Variants in KNTC1 observed in about 807,000 individuals in gnomAD.
KNTC1 encodes the protein kinetochore associated 1.
Under a neutral mutation model 314.4 loss-of-function variants are expected in KNTC1, and 253 were observed. The observed-to-expected ratio is 0.80, with a 90% CI of 0.73 to 0.89. KNTC1 has a LOEUF of 0.89. Ranked by LOEUF, KNTC1 falls within the 40% of genes least tolerant of loss-of-function variation. KNTC1 has a pLI of 0.00. For missense variants in KNTC1, 2,475 were observed against 2,572.9 expected, an observed-to-expected ratio of 0.96 and a Z score of 0.82; for synonymous variants, 901 against 901.4, an observed-to-expected ratio of 1.00 and a Z score of 0.01.
chr12:122,613,579 A>G, intron 54 of KNTC1, 47 bp from the exon 55 acceptor site: 2 of 1,515,778 alleles, frequency 1.3e-6, no homozygotes, highest in Admixed American at 2.4e-5. Flanking sequence ...TTTTAAATGT[A>G]AATGTGGCCT....
At chr12:122,563,822 CAA>C in intron 20 of KNTC1, 1 of 1,454,988 alleles carries the variant, frequency 6.9e-7, no homozygotes, top group South Asian at 1.6e-5. Context: ...CAGCAGGAGG[CAA>C]AGACTTCAAC....
Position 122,626,368 on chromosome 12 carries a change from C to T in KNTC1, c.*140C>T, listed in dbSNP as rs1459803967. ...ATTACCCCACATGTAATAAATAAAA[C>T]AATATGAGCATAATTGCCCCATAAA... is the stretch of plus-strand genomic sequence containing the variant. On this transcript the variant is annotated 3_prime_UTR_variant, in exon 64 of 64. Transcript: ENST00000333479. The T allele has an allele frequency of 1.6e-6, 1 of 635,588 alleles. No homozygotes were observed. The highest frequency in any genetic ancestry group is 2.8e-6 in the Non-Finnish European group (1 of 361,420). 39.4% of individuals were successfully genotyped at this position (635,588 alleles called of 1,614,324 possible).
intron 55 of KNTC1, among the ~76,000 whole-genome samples, chr12:122,614,750 G>A (rs549540293): frequency 1.3e-5 from 2 of 152,012 alleles, no homozygotes; most frequent in East Asian, 1.9e-4. Flanking sequence ...GCATGATGGC[G>A]GCCGCCTGTA....
intron 55 of KNTC1, 105 bp downstream of exon 55, chr12:122,613,866 A>C: frequency 8.2e-7 from 1 of 1,224,946 alleles, no homozygotes; most frequent in Non-Finnish European, 1.1e-6. Flanking sequence ...TTGGGGACAG[A>C]GTTTTGCTCT....
intron 2 of KNTC1, among the ~76,000 whole-genome samples, 153 bp downstream of exon 2, chr12:122,530,345 T>A (rs989715354): frequency 2.0e-5 from 3 of 152,180 alleles, no homozygotes; most frequent in Non-Finnish European, 4.4e-5. Context: ...CACGTCTGAA[T>A]ACCCTCTGCA....
At chr12:122,588,873 G>GTAATT in intron 40 of KNTC1, 57 bp downstream of exon 40, 1 of 1,067,148 alleles carries the variant, frequency 9.4e-7, no homozygotes, top group Non-Finnish European at 1.3e-6. Context: ...TTTTACCTCA[G>GTAATT]TTAATTGCAT....
chr12:122,604,882 A>G lies in KNTC1; in HGVS notation c.5181A>G (p.Glu1727=). 6.3e-7 allele frequency: 1 copy of G among 1,599,860 alleles called. No homozygotes were observed. The highest frequency in any genetic ancestry group is 1.3e-5 in the African/African-American group (1 of 74,824). The change falls in exon 50 of 64, where the codon GAA becomes GAG. Residue 1727 remains glutamate, a synonymous_variant. Coordinates refer to ENST00000333479, the MANE Select transcript of KNTC1 (RefSeq NM_014708.6). ...TGCTTGGAATTGTTTAAAAGGACGAAAAACGTGAAAAAGCCGAGGCTTTGT... is the reference window on the plus strand; with the variant it reads ...TGCTTGGAATTGTTTAAAAGGACGAGAAACGTGAAAAAGCCGAGGCTTTGT... ...RWLQNIPSQD[E]KREKAEALLK... is the part of the protein sequence containing the mutation.
At position 122,579,096 on chromosome 12, in the gene KNTC1, G is replaced by A. The variant is rs1482251190; in HGVS notation, c.2842-809G>A. On this transcript the variant is annotated intron_variant, in intron 31 of 63. Coordinates refer to ENST00000333479, the MANE Select transcript of KNTC1 (RefSeq NM_014708.6). ...TTTTTTTTTTTTGAGACGGAGTCTCGCTCTGTCGCCCAGGCTGGAGTGCAG... is the reference window on the plus strand; with the variant it reads ...TTTTTTTTTTTTGAGACGGAGTCTCACTCTGTCGCCCAGGCTGGAGTGCAG... 1.6e-3 allele frequency among the ~76,000 whole-genome samples: 175 copies of A among 107,802 alleles called. 1 individual carries two copies. Among genetic ancestry groups the A allele is most frequent in the African/African-American group, 5.8e-3 (167 of 28,644 alleles). 70.7% of individuals were successfully genotyped at this position (107,802 alleles called of 152,430 possible).
At chr12:122,603,313 A>G in intron 48 of KNTC1, 70 bp downstream of exon 48, 1 of 1,056,276 alleles carries the variant, frequency 9.5e-7, no homozygotes, top group Admixed American at 2.8e-5. Context: ...CTTTAAGGAG[A>G]AGCAGGATGG....
chr12:122,604,799 G>A, intron 49 of KNTC1, 78 bp from the exon 50 acceptor site: 1 of 1,405,036 alleles, frequency 7.1e-7, no homozygotes. Context: ...GAGGGATTGT[G>A]ATTGATAAAG....
intron 18 of KNTC1, among the ~76,000 whole-genome samples, chr12:122,561,161 A>C (rs1350673537): frequency 6.6e-6 from 1 of 151,860 alleles, no homozygotes; most frequent in Non-Finnish European, 1.5e-5. Flanking sequence ...AAAATACAAA[A>C]ATAATTAGCC....
intron 33 of KNTC1, among the ~76,000 whole-genome samples, chr12:122,582,491 C>G (rs1016456015): frequency 1.3e-5 from 2 of 151,622 alleles, no homozygotes. Context: ...GGGCAAAGGT[C>G]GAAAAACTAC....
chr12:122,594,339 G>C lies in KNTC1; in HGVS notation c.4309G>C (p.Val1437Leu). The stretch of plus-strand genomic sequence containing the variant: ...CAAGAAAGACCTCATTAAAGCTCTT[G>C]TGGAGAATATAGATATGGACACAAG... ...LTKKDLIKAL[V>L]ENIDMDTSLI... Residue 1437 changes from valine to leucine, a missense_variant, in exon 43 of 64, where the codon GTG (valine) becomes CTG (leucine). Coordinates refer to ENST00000333479, the MANE Select transcript of KNTC1 (RefSeq NM_014708.6). The C allele has an allele frequency of 6.2e-7, 1 of 1,610,254 alleles. No individual in the cohort carries two copies. Among genetic ancestry groups the C allele is most frequent in the Non-Finnish European group, 8.5e-7 (1 of 1,176,812 alleles).
chr12:122,601,273 G>A (rs907985798), intron 44 of KNTC1, among the ~76,000 whole-genome samples: 4 of 151,486 alleles, frequency 2.6e-5, no homozygotes, highest in Non-Finnish European at 5.9e-5. Flanking sequence ...TTTTAGTAGA[G>A]ACGGGGTTTC....
chr12:122,616,256 T>G (rs1008761024), intron 57 of KNTC1, among the ~76,000 whole-genome samples: 2 of 152,004 alleles, frequency 1.3e-5, no homozygotes, highest in Non-Finnish European at 2.9e-5. Context: ...CTATGTATTC[T>G]AGAGATTTCC....
Position 122,542,003 on chromosome 12 carries a change from G to A in KNTC1, c.446-47G>A, listed in dbSNP as rs1356611631. On this transcript the variant is annotated intron_variant, in intron 5 of 63. Coordinates refer to ENST00000333479, the MANE Select transcript of KNTC1 (RefSeq NM_014708.6). ...GCACTCCAGCCTAGCGACAGAATGAGACTCCATCTCAAAAAAAAGAAACTG... is the reference window on the plus strand; with the variant it reads ...GCACTCCAGCCTAGCGACAGAATGAAACTCCATCTCAAAAAAAAGAAACTG... 7 of 1,475,374 alleles carry A rather than the reference G, an allele frequency of 4.7e-6. No homozygotes were observed. In the South Asian group the frequency reaches 5.2e-5, roughly 11 times the overall value. 91.4% of individuals were successfully genotyped at this position (1,475,374 alleles called of 1,614,324 possible).
At chr12:122,583,464 A>G (rs1230206530) in intron 34 of KNTC1, among the ~76,000 whole-genome samples, 1 of 152,220 alleles carries the variant, frequency 6.6e-6, no homozygotes, top group Non-Finnish European at 1.5e-5. Context: ...CTGCAGAGTT[A>G]GGTAACATAA....
chr12:122,553,135 C>T (rs1181614672), intron 16 of KNTC1, among the ~76,000 whole-genome samples: 2 of 142,332 alleles, frequency 1.4e-5, no homozygotes, highest in African/African-American at 5.3e-5. Context: ...CTATCCTGGG[C>T]AACACAGCAA....
At position 122,575,606 on chromosome 12, in the gene KNTC1, G is replaced by A. The variant is rs1414770400; in HGVS notation, c.2446G>A (p.Glu816Lys). The change falls in exon 28 of 64, where the codon GAG becomes AAG. Residue 816 changes from glutamate to lysine, a missense_variant. Transcript: ENST00000333479. ...AAVVPWSAAV[E>K]QLVKQHLEMD... ...AGTGGTTCCTTGGAGTGCAGCTGTG[G>A]AGCAACTGGTGAAACAGCACCTGGA... is the stretch of plus-strand genomic sequence containing the variant. The A allele has an allele frequency of 1.9e-6, 3 of 1,598,152 alleles. No homozygotes were observed.
Sources: gnomAD v4.1 joint callset for allele counts (sites outside exome capture counted in the v4.1 genomes callset) on GRCh38, gnomAD v4.1.1 for gene constraint, MANE v1.5 for transcripts, NCBI Gene and HGNC (gene_info 2026-07-23, HGNC 2026-07-21) for gene names.